The following BRINP3 variants were observed in gnomAD, a reference collection of about 807,000 sequenced individuals.
BRINP3 encodes the protein BMP/retinoic acid inducible neural specific 3.
BRINP3 carries 19 observed loss-of-function variants against 71.0 expected under a neutral mutation model. The ratio of observed to expected loss-of-function variants is 0.27; its 90% confidence interval spans 0.19 to 0.39. BRINP3 has a LOEUF of 0.39. Among genes scored for constraint, BRINP3 ranks in the 10% least tolerant of loss-of-function variants. The pLI, the probability that BRINP3 is intolerant of heterozygous loss-of-function variation, is 1.00. For missense variants in BRINP3, 959 were observed against 940.8 expected (o/e 1.02, Z -0.25); for synonymous variants, 380 against 337.7 (o/e 1.13, Z -1.37).
At chr1:190,326,688 T>A (rs977013405) in intron 2 of BRINP3, among the ~76,000 whole-genome samples, 6 of 152,242 alleles carry the variant, frequency 3.9e-5, no homozygotes, top group African/African-American at 1.4e-4. Flanking sequence ...AAGAATTTCA[T>A]ATCCTGTCAA....
chr1:190,107,752 A>G (rs1381379096), intron 7 of BRINP3, among the ~76,000 whole-genome samples: 3 of 151,998 alleles, frequency 2.0e-5, no homozygotes, highest in Admixed American at 2.0e-4. Context: ...AACCCCTCCA[A>G]ACAAAATTGC....
chr1:190,234,255 G>A lies in BRINP3; in HGVS notation c.724+117C>T, dbSNP rs188438238. On this transcript the variant is annotated intron_variant, in intron 5 of 7. Transcript: ENST00000367462. ...TTAAATTATGAAATTAGCCTTTAAT[G>A]AGAGTTTTTAATAGCCTGTATGTAT... The A allele has an allele frequency of 8.4e-4, 439 of 519,836 alleles. 1 individual carries two copies. The highest frequency in any genetic ancestry group is 6.0e-3 in the African/African-American group (312 of 51,632). The allele number at this position is 519,836 out of a possible 1,614,324, so 32.2% of individuals were successfully genotyped here.
At chr1:190,265,710 G>T (rs1400645657) in intron 3 of BRINP3, among the ~76,000 whole-genome samples, 1 of 151,260 alleles carries the variant, frequency 6.6e-6, no homozygotes, top group Non-Finnish European at 1.5e-5. Flanking sequence ...GCGAGACTCC[G>T]TCTCAAAAAT....
intron 2 of BRINP3, among the ~76,000 whole-genome samples, chr1:190,393,275 T>G (rs955128464): frequency 5.9e-5 from 9 of 151,600 alleles, no homozygotes; most frequent in Admixed American, 4.6e-4. Context: ...GCTGGGATGA[T>G]TTAAAAATTT....
chr1:190,235,566 C>G (rs865809033), intron 4 of BRINP3, among the ~76,000 whole-genome samples: 1 of 151,950 alleles, frequency 6.6e-6, no homozygotes, highest in Non-Finnish European at 1.5e-5. Context: ...TTACCCAGCT[C>G]CGTGTTACCT....
chr1:190,380,304 C>G (rs1156456731), intron 2 of BRINP3, among the ~76,000 whole-genome samples: 3 of 151,808 alleles, frequency 2.0e-5, no homozygotes, highest in Admixed American at 6.6e-5. Flanking sequence ...TTTAAAAGTG[C>G]GGAAGTCACT....
At chr1:190,100,868 G>A (rs1651641949) in intron 7 of BRINP3, among the ~76,000 whole-genome samples, 1 of 152,140 alleles carries the variant, frequency 6.6e-6, no homozygotes, top group African/African-American at 2.4e-5. Flanking sequence ...CATGTGCTGG[G>A]AACTTGATTG....
chr1:190,196,746 A>C lies in BRINP3; in HGVS notation c.961+29336T>G, dbSNP rs189111217. Among the ~76,000 whole-genome samples, 7 of 151,982 alleles carry C rather than the reference A, an allele frequency of 4.6e-5. No individual in the cohort carries two copies. In the East Asian group the frequency reaches 1.4e-3, roughly 30 times the overall value. On this transcript the variant is annotated intron_variant, in intron 6 of 7. Coordinates refer to ENST00000367462, the MANE Select transcript of BRINP3 (RefSeq NM_199051.3). ...TACCCTTTGTGTTTTAGAAACAATA[A>C]TTTAATTTGAGCCACTGTTTTTCTG...
intron 2 of BRINP3, among the ~76,000 whole-genome samples, chr1:190,288,749 A>T (rs1663626609): frequency 6.6e-6 from 1 of 151,956 alleles, no homozygotes; most frequent in Non-Finnish European, 1.5e-5. Flanking sequence ...ATGTATAAAT[A>T]TTATTGATTA....
intron 7 of BRINP3, among the ~76,000 whole-genome samples, chr1:190,142,732 T>TA (rs1455765008): frequency 6.6e-6 from 1 of 151,248 alleles, no homozygotes; most frequent in African/African-American, 2.4e-5. Context: ...AACTTTCAAA[T>TA]AAAAAAATTA....
intron 6 of BRINP3, among the ~76,000 whole-genome samples, chr1:190,182,645 T>C (rs1653130958): frequency 6.6e-6 from 1 of 152,148 alleles, no homozygotes; most frequent in Non-Finnish European, 1.5e-5. Context: ...GCTTGCATGA[T>C]AGTAGTGTTT....
chr1:190,156,422 T>C (rs1388890829), intron 7 of BRINP3, among the ~76,000 whole-genome samples: 3 of 152,076 alleles, frequency 2.0e-5, no homozygotes, highest in African/African-American at 7.2e-5. Context: ...CTTATCTAAG[T>C]CTTCTTCAAA....
intron 2 of BRINP3, among the ~76,000 whole-genome samples, chr1:190,308,555 A>G (rs1021603306): frequency 6.6e-5 from 10 of 151,896 alleles, no homozygotes; most frequent in African/African-American, 9.6e-5. Context: ...TGACGAGTTA[A>G]TGGGTGCAGC....
intron 7 of BRINP3, among the ~76,000 whole-genome samples, chr1:190,103,416 T>C (rs1029869341): frequency 6.6e-6 from 1 of 151,990 alleles, no homozygotes; most frequent in South Asian, 2.1e-4. Context: ...GAAAATCAAC[T>C]TAAGATATGA....
chr1:190,399,218 A>C (rs1224634759), intron 2 of BRINP3, among the ~76,000 whole-genome samples: 1 of 152,066 alleles, frequency 6.6e-6, no homozygotes, highest in Admixed American at 6.6e-5. Context: ...AATTAAAAAC[A>C]CACCCTCAAA....
intron 6 of BRINP3, among the ~76,000 whole-genome samples, chr1:190,189,672 T>A (rs1453770695): frequency 1.3e-5 from 2 of 152,156 alleles, no homozygotes; most frequent in African/African-American, 4.8e-5. Flanking sequence ...CCCATTGATT[T>A]TTTTTATCTA....
At chr1:190,292,644 T>A (rs1481933844) in intron 2 of BRINP3, among the ~76,000 whole-genome samples, 1 of 152,090 alleles carries the variant, frequency 6.6e-6, no homozygotes, top group Non-Finnish European at 1.5e-5. Flanking sequence ...CAGAGCAAGA[T>A]CCTGTCTCTA....
At chr1:190,435,126 T>C (rs1383115736) in intron 2 of BRINP3, among the ~76,000 whole-genome samples, 3 of 152,160 alleles carry the variant, frequency 2.0e-5, no homozygotes, top group African/African-American at 7.2e-5. Flanking sequence ...AAATTGTTCC[T>C]ACTATGAAAC....
At chr1:190,407,370 T>A (rs1442088915) in intron 2 of BRINP3, among the ~76,000 whole-genome samples, 1 of 152,112 alleles carries the variant, frequency 6.6e-6, no homozygotes, top group Non-Finnish European at 1.5e-5. Flanking sequence ...TCCTCCCAAT[T>A]GGACATGAAT....
Sources: allele counts gnomAD v4.1 joint callset (sites outside exome capture counted in the v4.1 genomes callset), GRCh38; gene constraint gnomAD v4.1.1; transcripts MANE v1.5; gene names NCBI Gene and HGNC (gene_info 2026-07-23, HGNC 2026-07-21).